Variants in ZNF254 observed in about 807,000 individuals in gnomAD.
ZNF254 encodes the protein zinc finger protein 254.
A neutral mutation model predicts 12.4 loss-of-function variants in ZNF254; 10 were observed. That is an observed-to-expected ratio of 0.80 (90% CI 0.50 to 1.36). The LOEUF (loss-of-function observed/expected upper bound fraction) is 1.36, where lower values mean the gene tolerates loss of function less well. ZNF254 is among the 40% of genes most tolerant of loss of function. The pLI, the probability that ZNF254 is intolerant of heterozygous loss-of-function variation, is 0.00. For synonymous variants in ZNF254, 305 were observed against 253.4 expected, an observed-to-expected ratio of 1.20 and a Z score of -1.93; for missense variants, 996 against 763.9, an observed-to-expected ratio of 1.30 and a Z score of -3.58.
At chr19:24,057,455 T>G (rs1407563377) in intron 2 of ZNF254, among the ~76,000 whole-genome samples, 1 of 152,246 alleles carries the variant, frequency 6.6e-6, no homozygotes, top group Non-Finnish European at 1.5e-5. Flanking sequence ...TATGGGTCGA[T>G]ACCATTACAA....
upstream of ZNF254, among the ~76,000 whole-genome samples, chr19:24,086,089 C>T (rs1377402980): frequency 6.6e-6 from 1 of 151,534 alleles, no homozygotes; most frequent in Admixed American, 6.6e-5. Context: ...CGCCTGTAAT[C>T]CCAGCTACTC....
In ZNF254 at chr19:24,128,067, G is replaced by T; in HGVS notation, c.*87G>T. ...GAGAGAAACTACAAACCTGAGAGAG[G>T]CGCTAATGCTTTTGACAGTACCTAA... On this transcript the variant is annotated 3_prime_UTR_variant, in exon 4 of 4. Transcript: ENST00000357002. 7.4e-7 allele frequency: 1 copy of T among 1,344,130 alleles called. No homozygotes were observed. The highest frequency in any genetic ancestry group is 9.8e-7 in the Non-Finnish European group (1 of 1,021,900). The allele number at this position is 1,344,130 out of a possible 1,614,324, so 83.3% of individuals were successfully genotyped here. A position where few individuals can be genotyped will look rare whatever the true frequency, so the allele number is the denominator to read the frequency against.
At chr19:24,078,273 C>T (rs751049449) in intron 2 of ZNF254, among the ~76,000 whole-genome samples, 4 of 152,142 alleles carry the variant, frequency 2.6e-5, no homozygotes, top group Admixed American at 6.5e-5. Flanking sequence ...GCTGATCTCA[C>T]CTGATTTGCC....
rs974987330 is a variant in ZNF254, at chr19:24,035,005, A to C, written c.-190+1384A>C. Among the ~76,000 whole-genome samples, 15 of 152,090 alleles carry C rather than the reference A, an allele frequency of 9.9e-5. 1 individual carries two copies. Among genetic ancestry groups the C allele is most frequent in the African/African-American group, 3.6e-4 (15 of 41,422 alleles). ...GCAAGGGGAAAGCACCAGCTATAAG[A>C]TATTGGAGAATTTTAAAGGTTAGAG... On this transcript the variant is annotated intron_variant, in intron 1 of 4. Transcript: ENST00000613065.
chr19:24,071,484 GT>G (rs1419218243), intron 2 of ZNF254, among the ~76,000 whole-genome samples: 1 of 152,160 alleles, frequency 6.6e-6, no homozygotes, highest in African/African-American at 2.4e-5. Flanking sequence ...TGGGGTGATT[GT>G]GGCGTATAAC....
At chr19:24,105,546 A>G (rs1973287124) in intron 1 of ZNF254, 1 of 221,120 alleles carries the variant, frequency 4.5e-6, no homozygotes, top group African/African-American at 2.4e-5. Context: ...TACACGTTAA[A>G]ATTTGAGTGG....
At position 24,126,585 on chromosome 19, in the gene ZNF254, A is replaced by T; in HGVS notation, c.585A>T (p.Ser195=). The T allele has an allele frequency of 6.2e-7, 1 of 1,601,820 alleles. No homozygotes were observed. The highest frequency in any genetic ancestry group is 8.5e-7 in the Non-Finnish European group (1 of 1,176,898). ...GTGTCAAATTATTTTGCATGCTTTC[A>T]CATAAAACCCAACACAAAAGCATTT... The part of the protein sequence containing the change: ...KKRVKLFCML[S]HKTQHKSIYH... The change falls in exon 4 of 4, where the codon TCA becomes TCT. Residue 195 remains serine (S), a synonymous_variant. Coordinates refer to ENST00000357002, the MANE Select transcript of ZNF254 (RefSeq NM_203282.4).
intron 2 of ZNF254, among the ~76,000 whole-genome samples, chr19:24,081,113 A>G (rs968779715): frequency 6.6e-6 from 1 of 151,458 alleles, no homozygotes; most frequent in Non-Finnish European, 1.5e-5. Context: ...TTTCTTCTGG[A>G]CTGCTTACTC....
intron 3 of ZNF254, among the ~76,000 whole-genome samples, chr19:24,114,181 A>G (rs1973887340): frequency 6.6e-6 from 1 of 152,194 alleles, no homozygotes; most frequent in South Asian, 2.1e-4. Context: ...AAACTACTTT[A>G]AAGTTCACAT....
chr19:24,067,918 G>A (rs1028736837), intron 2 of ZNF254, among the ~76,000 whole-genome samples: 4 of 152,166 alleles, frequency 2.6e-5, no homozygotes, highest in African/African-American at 9.7e-5. Context: ...GTAGTGATGT[G>A]ACTCTTCATC....
At chr19:24,076,738 C>T (rs1033951194) in intron 2 of ZNF254, among the ~76,000 whole-genome samples, 5 of 152,060 alleles carry the variant, frequency 3.3e-5, no homozygotes, top group East Asian at 1.9e-4. Flanking sequence ...TTAAGTTTTC[C>T]GTTAATACTT....
In ZNF254 at chr19:24,049,214, A is replaced by ATAT. The variant is rs1160333151; in HGVS notation, c.-94+2936_-94+2937insATT. Among the ~76,000 whole-genome samples, 159 of 40,828 alleles carry ATAT rather than the reference A, an allele frequency of 3.9e-3. 1 individual carries two copies. The highest frequency in any genetic ancestry group is 0.021 in the Middle Eastern group (1 of 48). 26.8% of individuals were successfully genotyped at this position (40,828 alleles called of 152,430 possible). A position where few individuals can be genotyped will look rare whatever the true frequency, so the allele number is the denominator to read the frequency against. ...TATATATATATATATATATATATAT[A>ATAT]TTTTTTTTTTTTTTTTAATTTATTT... On this transcript the variant is annotated intron_variant, in intron 2 of 4. Coordinates refer to the ZNF254 transcript ENST00000613065.
intron 1 of ZNF254, among the ~76,000 whole-genome samples, chr19:24,089,078 G>A (rs2145650797): frequency 6.9e-6 from 1 of 144,956 alleles, no homozygotes; most frequent in African/African-American, 2.6e-5. Flanking sequence ...CCAGGTTTAA[G>A]CGATTCTCCT....
chr19:24,060,020 T>C (rs943213783), intron 2 of ZNF254, among the ~76,000 whole-genome samples: 5 of 152,060 alleles, frequency 3.3e-5, no homozygotes, highest in African/African-American at 9.7e-5. Context: ...GATCCAGCAA[T>C]TAGAAAATGT....
chr19:24,111,737 T>C (rs1206457488), intron 3 of ZNF254, among the ~76,000 whole-genome samples: 2 of 152,088 alleles, frequency 1.3e-5, no homozygotes, highest in Non-Finnish European at 2.9e-5. Flanking sequence ...GTTTTTTGGC[T>C]GCATAAATGT....
intron 2 of ZNF254, among the ~76,000 whole-genome samples, chr19:24,074,812 A>G (rs1420360219): frequency 2.0e-5 from 3 of 152,038 alleles, no homozygotes; most frequent in African/African-American, 7.2e-5. Context: ...TATGCAATCT[A>G]TCTTTTCTCT....
chr19:24,048,301 A>G (rs1033453883), intron 2 of ZNF254, among the ~76,000 whole-genome samples: 7 of 151,982 alleles, frequency 4.6e-5, no homozygotes, highest in African/African-American at 1.7e-4. Flanking sequence ...GGGGGGAATA[A>G]GTTTCCAACG....
chr19:24,060,266 C>T (rs1402525742), intron 2 of ZNF254, among the ~76,000 whole-genome samples: 1 of 152,196 alleles, frequency 6.6e-6, no homozygotes, highest in Non-Finnish European at 1.5e-5. Flanking sequence ...AGTCCTTGTT[C>T]ACTAGGGGAT....
At chr19:24,118,966 C>T (rs1178963269) in intron 3 of ZNF254, among the ~76,000 whole-genome samples, 3 of 151,676 alleles carry the variant, frequency 2.0e-5, no homozygotes, top group Non-Finnish European at 2.9e-5. Context: ...AAAAAATTAG[C>T]CAGGCGTGGT....
Sources: gnomAD v4.1 joint callset for allele counts (sites outside exome capture counted in the v4.1 genomes callset) on GRCh38, gnomAD v4.1.1 for gene constraint, MANE v1.5 for transcripts, NCBI Gene and HGNC (gene_info 2026-07-23, HGNC 2026-07-21) for gene names.